The following GRIK3 variants were observed in gnomAD, a reference collection of about 807,000 sequenced individuals.
GRIK3 encodes glutamate receptor ionotropic, kainate 3.
In GRIK3, 29 loss-of-function variants were observed where a neutral mutation model predicts 102.5. That is an observed-to-expected ratio of 0.28 (90% CI 0.21 to 0.39). GRIK3 has a LOEUF of 0.39. GRIK3 is among the 10% of genes least tolerant of loss of function. GRIK3 has a pLI of 1.00. For missense variants in GRIK3, 908 were observed against 1,252.4 expected, an observed-to-expected ratio of 0.73 and a Z score of 4.15; for synonymous variants, 511 against 504.9, an observed-to-expected ratio of 1.01 and a Z score of -0.16.
intron 1 of GRIK3, among the ~76,000 whole-genome samples, chr1:36,932,996 C>T (rs1641612650): frequency 6.6e-6 from 1 of 152,218 alleles, no homozygotes; most frequent in Non-Finnish European, 1.5e-5. Context: ...TTAATGTGAA[C>T]TGATTCTGTT....
intron 1 of GRIK3, among the ~76,000 whole-genome samples, chr1:36,908,430 T>C (rs1164440912): frequency 6.6e-6 from 1 of 152,210 alleles, no homozygotes. Flanking sequence ...CCTGTAGCTT[T>C]GGGAGCTCAG....
rs149157080 is a variant in GRIK3, at chr1:36,826,942, A to G, written c.1531-1116T>C. Among the ~76,000 whole-genome samples, 550 of 152,234 alleles carry G rather than the reference A, an allele frequency of 3.6e-3. 6 individuals carry two copies. Among genetic ancestry groups the G allele is most frequent in the Non-Finnish European group, 3.5e-3 (239 of 68,014 alleles). On this transcript the variant is annotated intron_variant, in intron 10 of 15. Coordinates refer to ENST00000373091, the MANE Select transcript of GRIK3 (RefSeq NM_000831.4). ...TGGCATCCTCCCCCATGAGGCCCCA[A>G]TGAAACCACTTCCTGCTTACCACAG...
chr1:36,990,730 T>A (rs974379821), intron 1 of GRIK3, among the ~76,000 whole-genome samples: 5 of 152,060 alleles, frequency 3.3e-5, no homozygotes, highest in African/African-American at 9.7e-5. Context: ...AAGGGGCTGG[T>A]CTGAGGTCTA....
At chr1:36,920,218 A>C (rs908523861) in intron 1 of GRIK3, among the ~76,000 whole-genome samples, 3 of 152,186 alleles carry the variant, frequency 2.0e-5, no homozygotes, top group Admixed American at 2.0e-4. Flanking sequence ...AGTGACCTGG[A>C]ACCAGACTAT....
intron 13 of GRIK3, among the ~76,000 whole-genome samples, chr1:36,807,177 T>C (rs1642510902): frequency 6.6e-6 from 1 of 152,064 alleles, no homozygotes; most frequent in Admixed American, 6.5e-5. Context: ...TCAGAATCCC[T>C]AAGACCAGGT....
chr1:36,980,805 T>C (rs1158125545), intron 1 of GRIK3, among the ~76,000 whole-genome samples: 1 of 152,084 alleles, frequency 6.6e-6, no homozygotes, highest in African/African-American at 2.4e-5. Flanking sequence ...CCTGATGGAA[T>C]ATGTCCACTC....
At chr1:36,879,570 TG>T (rs1184933102) in intron 3 of GRIK3, among the ~76,000 whole-genome samples, 1 of 152,012 alleles carries the variant, frequency 6.6e-6, no homozygotes, top group African/African-American at 2.4e-5. Flanking sequence ...GGTTTGTTGG[TG>T]GTTATCTGCT....
chr1:36,983,949 C>A (rs930091860), intron 1 of GRIK3, among the ~76,000 whole-genome samples: 1 of 152,160 alleles, frequency 6.6e-6, no homozygotes, highest in African/African-American at 2.4e-5. Context: ...GGTGGGGATG[C>A]CGCCCATAGT....
At chr1:36,985,487 G>A (rs1570845466) in intron 1 of GRIK3, among the ~76,000 whole-genome samples, 1 of 152,292 alleles carries the variant, frequency 6.6e-6, no homozygotes, top group East Asian at 1.9e-4. Context: ...CTGGAGTGGG[G>A]GCTGCAAGAG....
At chr1:36,895,656 C>T (rs1476631593) in intron 1 of GRIK3, among the ~76,000 whole-genome samples, 1 of 151,902 alleles carries the variant, frequency 6.6e-6, no homozygotes, top group African/African-American at 2.4e-5. Context: ...GTAAAAATGC[C>T]TAATGGAAAT....
chr1:36,868,089 G>A (rs988979376), intron 5 of GRIK3, among the ~76,000 whole-genome samples: 1 of 152,164 alleles, frequency 6.6e-6, no homozygotes, highest in African/African-American at 2.4e-5. Flanking sequence ...CCGGGTCCAG[G>A]AGTTGCTCTC....
intron 10 of GRIK3, among the ~76,000 whole-genome samples, chr1:36,828,127 G>A (rs936769864): frequency 6.6e-6 from 1 of 151,482 alleles, no homozygotes; most frequent in Non-Finnish European, 1.5e-5. Context: ...AAGAGACCGA[G>A]TCCCTGGTAT....
At chr1:36,899,726 G>A (rs1641212354) in intron 1 of GRIK3, among the ~76,000 whole-genome samples, 1 of 152,128 alleles carries the variant, frequency 6.6e-6, no homozygotes, top group Admixed American at 6.5e-5. Context: ...GTAAATGAAT[G>A]AAGACATGCC....
chr1:36,977,802 G>C lies in GRIK3; in HGVS notation c.115+56192C>G, dbSNP rs149571269. ...ACCCACCCATTAGCAGGACTCGGTT[G>C]CCAGAGCATTGAGAAGAGAAAATCA... On this transcript the variant is annotated intron_variant, in intron 1 of 15. Coordinates refer to ENST00000373091, the MANE Select transcript of GRIK3 (RefSeq NM_000831.4). Among the ~76,000 whole-genome samples, 57 of 152,350 alleles carry C rather than the reference G, an allele frequency of 3.7e-4. 1 individual carries two copies. The East Asian group carries it at 0.01, about 28-fold the overall frequency.
chr1:36,901,018 T>C (rs1641228022), intron 1 of GRIK3, among the ~76,000 whole-genome samples: 1 of 152,210 alleles, frequency 6.6e-6, no homozygotes, highest in Non-Finnish European at 1.5e-5. Flanking sequence ...AACAGGACTC[T>C]CTCTATTAAA....
In GRIK3 at chr1:36,819,967, A is replaced by C; in HGVS notation, c.1755-113T>G. ...CAGCCGCCTCAGCGTCAATATCCTC[A>C]TGGTTCTGCTGGGAGGCAGGGCAGG... On this transcript the variant is annotated intron_variant, in intron 11 of 15. Coordinates refer to ENST00000373091, the MANE Select transcript of GRIK3 (RefSeq NM_000831.4). This position sits in a 1 kb window ranked among gnomAD's most constrained non-coding sequence, Gnocchi z 4.1. 1 of 662,532 alleles carries C rather than the reference A, an allele frequency of 1.5e-6. No homozygotes were observed. The highest frequency in any genetic ancestry group is 2.8e-6 in the Non-Finnish European group (1 of 355,912). 41.0% of individuals were successfully genotyped at this position (662,532 alleles called of 1,614,324 possible). A position where few individuals can be genotyped will look rare whatever the true frequency, so the allele number is the denominator to read the frequency against.
At chr1:36,882,045 C>G (rs531974056) in intron 2 of GRIK3, among the ~76,000 whole-genome samples, 1 of 152,030 alleles carries the variant, frequency 6.6e-6, no homozygotes, top group East Asian at 1.9e-4. Context: ...ACTAGGGAGG[C>G]CTTCACCGCA....
At chr1:36,991,391 T>C (rs979278714) in intron 1 of GRIK3, among the ~76,000 whole-genome samples, 1 of 152,042 alleles carries the variant, frequency 6.6e-6, no homozygotes, top group Non-Finnish European at 1.5e-5. Context: ...AGGGCCAGAG[T>C]GAGGCAGTGA....
At chr1:36,976,298 C>T (rs1642195684) in intron 1 of GRIK3, among the ~76,000 whole-genome samples, 1 of 152,184 alleles carries the variant, frequency 6.6e-6, no homozygotes, top group Non-Finnish European at 1.5e-5. Flanking sequence ...ACATTCCCCC[C>T]AAGACAGGAG....
Sources: gnomAD v4.1 joint callset for allele counts (sites outside exome capture counted in the v4.1 genomes callset) on GRCh38, gnomAD v4.1.1 for gene constraint, Gnocchi (gnomAD v3.1) non-coding constraint, MANE v1.5 for transcripts, NCBI Gene and HGNC (gene_info 2026-07-23, HGNC 2026-07-21) for gene names.